FAAH2: variants seen among roughly 807,000 people sequenced by gnomAD.
FAAH2 encodes fatty-acid amide hydrolase 2.
A neutral mutation model predicts 36.9 loss-of-function variants in FAAH2; 60 were observed. The ratio of observed to expected loss-of-function variants is 1.63; its 90% CI spans 1.32 to 2.02. FAAH2 has a LOEUF of 2.02. Ranked by LOEUF, FAAH2 falls within the 30% of genes most tolerant of loss-of-function variation. The pLI, the probability that FAAH2 is intolerant of heterozygous loss-of-function variation, is 0.00. For missense variants in FAAH2, 689 were observed against 397.5 expected, an observed-to-expected ratio of 1.73 and a Z score of -6.23; for synonymous variants, 214 against 143.8, an observed-to-expected ratio of 1.49 and a Z score of -3.49.
At chrX:57,188,013 C>T in the FAAH2 span, among the ~76,000 whole-genome samples, 6 of 111,768 alleles carry the variant, frequency 5.4e-5, no homozygotes, top group Admixed American at 9.5e-5. Flanking sequence ...GGATAATAAC[C>T]TGAAATTTTC....
At chrX:57,402,650 T>A (rs1359353025) in intron 7 of FAAH2, among the ~76,000 whole-genome samples, 2 of 112,066 alleles carry the variant, frequency 1.8e-5, no homozygotes, top group African/African-American at 6.5e-5. Flanking sequence ...ATGCCTCCCT[T>A]TGTCTCTCCA....
chrX:57,158,124 T>G, the FAAH2 span, among the ~76,000 whole-genome samples: 1 of 111,600 alleles, frequency 9.0e-6, no homozygotes, highest in African/African-American at 3.3e-5. Context: ...CTGCGATAGT[T>G]TGCTGAGAAT....
intron 8 of FAAH2, among the ~76,000 whole-genome samples, chrX:57,437,431 G>A (rs2056432129): frequency 9.1e-6 from 1 of 109,957 alleles, no homozygotes; most frequent in Admixed American, 9.9e-5. Context: ...AAAAGAGGAA[G>A]TGAAATTTTT....
intron 5 of FAAH2, among the ~76,000 whole-genome samples, chrX:57,358,385 A>G (rs2054211643): frequency 9.1e-6 from 1 of 110,484 alleles, no homozygotes; most frequent in Non-Finnish European, 1.9e-5. Context: ...GACAATCATC[A>G]TTTCACTCTC....
At chrX:57,430,322 G>A in intron 7 of FAAH2, among the ~76,000 whole-genome samples, 1 of 111,503 alleles carries the variant, frequency 9.0e-6, no homozygotes, top group East Asian at 2.8e-4. Flanking sequence ...CAAAACTTCT[G>A]ATTATTTTTC....
intron 3 of FAAH2, among the ~76,000 whole-genome samples, chrX:57,330,701 C>T (rs1318383615): frequency 9.0e-6 from 1 of 111,419 alleles, no homozygotes; most frequent in Non-Finnish European, 1.9e-5. Flanking sequence ...CCCCAGATGC[C>T]CAGCTTTAAA....
chrX:57,200,282 A>G, the FAAH2 span, among the ~76,000 whole-genome samples: 1 of 110,025 alleles, frequency 9.1e-6, no homozygotes, highest in Non-Finnish European at 1.9e-5. Flanking sequence ...AGGCTTGCAA[A>G]TAATGTCTTA....
At chrX:57,137,224 C>T in the FAAH2 span, 14 of 760,247 alleles carry the variant, frequency 1.8e-5, no homozygotes, top group African/African-American at 2.3e-5. Context: ...CGTCCACCGC[C>T]GGGGATCGCG....
chrX:57,355,880 A>C (rs1289882406), intron 5 of FAAH2, among the ~76,000 whole-genome samples: 1 of 110,987 alleles, frequency 9.0e-6, no homozygotes. Flanking sequence ...TAGATGAAAA[A>C]TTTTCAGTCT....
intron 7 of FAAH2, among the ~76,000 whole-genome samples, chrX:57,386,043 C>T (rs990870016): frequency 9.0e-6 from 1 of 111,217 alleles, no homozygotes; most frequent in Non-Finnish European, 1.9e-5. Flanking sequence ...TTTTAAATTT[C>T]TTTTTGTAAT....
intron 5 of FAAH2, among the ~76,000 whole-genome samples, chrX:57,350,860 A>G (rs2053981207): frequency 9.0e-6 from 1 of 111,580 alleles, no homozygotes; most frequent in African/African-American, 3.2e-5. Context: ...CACTAGACCA[A>G]AAGAGGAGAT....
chrX:57,300,856 A>G (rs1199529124), intron 2 of FAAH2, among the ~76,000 whole-genome samples: 1 of 112,430 alleles, frequency 8.9e-6, no homozygotes, highest in Non-Finnish European at 1.9e-5. Context: ...AAACACATGA[A>G]AAAATGCTCA....
intron 10 of FAAH2, among the ~76,000 whole-genome samples, chrX:57,483,469 G>A (rs180893507): frequency 8.2e-4 from 91 of 110,647 alleles, no homozygotes; most frequent in African/African-American, 2.6e-3. Flanking sequence ...ATCTTGTGGA[G>A]CATCCTGACA....
intron 10 of FAAH2, among the ~76,000 whole-genome samples, chrX:57,478,988 T>A (rs906880736): frequency 2.7e-5 from 3 of 111,677 alleles, no homozygotes; most frequent in Admixed American, 9.6e-5. Flanking sequence ...TTTGGTTCCA[T>A]ATGAACTTTA....
chrX:57,308,423 C>T (rs957945024), intron 2 of FAAH2, among the ~76,000 whole-genome samples: 1 of 111,529 alleles, frequency 9.0e-6, no homozygotes, highest in Admixed American at 9.5e-5. Flanking sequence ...GGCTGCTTGT[C>T]TATCTTCTTT....
chrX:57,458,451 C>A (rs1457651087), intron 10 of FAAH2, among the ~76,000 whole-genome samples: 1 of 110,573 alleles, frequency 9.0e-6, no homozygotes. Context: ...CGAGATGGCA[C>A]CACTGCACTC....
At chrX:57,275,270 T>A in the FAAH2 span, among the ~76,000 whole-genome samples, 1 of 112,120 alleles carries the variant, frequency 8.9e-6, no homozygotes, top group Non-Finnish European at 1.9e-5. Flanking sequence ...AGAAACAAAC[T>A]TTTACATTTA....
intron 10 of FAAH2, among the ~76,000 whole-genome samples, chrX:57,466,152 C>CTATATATATATATATATA (rs1219532061): frequency 9.0e-5 from 6 of 66,867 alleles, no homozygotes; most frequent in African/African-American, 1.9e-4. Flanking sequence ...CTCTCTCTCT[C>CTATATATATATATATATA]TCTCTATATA....
the FAAH2 span, among the ~76,000 whole-genome samples, chrX:57,201,850 G>A: frequency 1.8e-5 from 2 of 110,682 alleles, no homozygotes; most frequent in Non-Finnish European, 3.8e-5. Context: ...GCCTCCTCTG[G>A]CTTTGTATTT....
Sources: allele counts gnomAD v4.1 joint callset (sites outside exome capture counted in the v4.1 genomes callset), GRCh38; gene constraint gnomAD v4.1.1; transcripts MANE v1.5; gene names NCBI Gene and HGNC (gene_info 2026-07-23, HGNC 2026-07-21).